DPYD: variants seen among roughly 807,000 people sequenced by gnomAD.
The protein encoded by DPYD is dihydropyrimidine dehydrogenase [NADP(+)].
Under a neutral mutation model 116.2 loss-of-function variants are expected in DPYD, and 109 were observed. The observed-to-expected ratio is 0.94, with a 90% CI of 0.80 to 1.10. DPYD has a LOEUF of 1.10. Among genes scored for constraint, DPYD ranks in the 50% least tolerant of loss-of-function variants. The pLI is 0.00. For synonymous variants in DPYD, 440 were observed against 432.0 expected, an observed-to-expected ratio of 1.02 and a Z score of -0.23; for missense variants, 1,302 against 1,254.5, an observed-to-expected ratio of 1.04 and a Z score of -0.57.
chr1:97,094,677 G>T (rs1313377231), intron 21 of DPYD, among the ~76,000 whole-genome samples: 1 of 152,100 alleles, frequency 6.6e-6, no homozygotes, highest in Non-Finnish European at 1.5e-5. Context: ...GCAGGTGGAG[G>T]TGACCCCAAG....
At position 97,373,626 on chromosome 1, in the gene DPYD, G is replaced by A. The variant is rs1211171024; in HGVS notation, c.1993C>T (p.Leu665=). Residue 665 remains leucine, a synonymous_variant, in exon 16 of 23, where the codon CTG becomes TTG. Coordinates refer to ENST00000370192, the MANE Select transcript of DPYD (RefSeq NM_000110.4). ...KKSEDSGADA[L]ELNLSCPHGM... ...TGTGGACATGATAAATTTAACTCCA[G>A]GGCATCTGCTCCAGAATCCTTTAAA... 6.2e-7 allele frequency: 1 copy of A among 1,613,776 alleles called. No homozygotes were observed.
At chr1:97,264,247 C>G (rs1455130606) in intron 18 of DPYD, among the ~76,000 whole-genome samples, 1 of 130,994 alleles carries the variant, frequency 7.6e-6, no homozygotes, top group African/African-American at 2.8e-5. Context: ...ATTGCAGCCT[C>G]AAATTCTTGG....
In DPYD at chr1:97,646,306, G is replaced by GT. The variant is rs1658254655; in HGVS notation, c.850+32788dup. 2.0e-5 allele frequency among the ~76,000 whole-genome samples: 3 copies of GT among 151,146 alleles called. No homozygotes were observed. The South Asian group carries it at 6.3e-4, about 31-fold the overall frequency. On this transcript the variant is annotated intron_variant, in intron 8 of 22. Coordinates refer to ENST00000370192, the MANE Select transcript of DPYD (RefSeq NM_000110.4). ...CTCTCCCTATTCTTTACTTTTATCT[G>GT]TATCTTCTTTTTATTTTTTTTTTCA...
intron 8 of DPYD, among the ~76,000 whole-genome samples, chr1:97,650,153 T>A (rs1393470054): frequency 6.6e-6 from 1 of 152,024 alleles, no homozygotes; most frequent in Non-Finnish European, 1.5e-5. Flanking sequence ...GCCCCTTACA[T>A]TTCTGCTTTT....
intron 12 of DPYD, among the ~76,000 whole-genome samples, chr1:97,523,879 T>G (rs1165923706): frequency 6.6e-6 from 1 of 152,106 alleles, no homozygotes; most frequent in Non-Finnish European, 1.5e-5. Context: ...GTGTTTTAGT[T>G]TTGCAAGGTA....
chr1:97,173,972 C>T (rs1657074200), intron 20 of DPYD, among the ~76,000 whole-genome samples: 2 of 151,322 alleles, frequency 1.3e-5, no homozygotes, highest in Non-Finnish European at 2.9e-5. Flanking sequence ...AATGGAAATT[C>T]AACCTCAAGT....
chr1:97,515,647 A>C, intron 13 of DPYD, 79 bp downstream of exon 13: 1 of 1,307,882 alleles, frequency 7.6e-7, no homozygotes, highest in Non-Finnish European at 1.1e-6. Context: ...TCTTAGTAAA[A>C]AAAATCCATT....
At chr1:97,548,284 G>A (rs1454762222) in intron 12 of DPYD, among the ~76,000 whole-genome samples, 3 of 152,120 alleles carry the variant, frequency 2.0e-5, no homozygotes, top group African/African-American at 7.2e-5. Context: ...AGAACAAAAA[G>A]AAAACAAAGC....
chr1:97,182,247 C>G (rs940184904), intron 20 of DPYD, among the ~76,000 whole-genome samples: 1 of 152,088 alleles, frequency 6.6e-6, no homozygotes, highest in African/African-American at 2.4e-5. Context: ...AGGTGTCTGT[C>G]TTATTTTTAC....
At chr1:97,535,134 C>G (rs966845513) in intron 12 of DPYD, among the ~76,000 whole-genome samples, 1 of 152,078 alleles carries the variant, frequency 6.6e-6, no homozygotes, top group Non-Finnish European at 1.5e-5. Context: ...TGAACCCAGA[C>G]TGCTTGACTT....
intron 16 of DPYD, among the ~76,000 whole-genome samples, chr1:97,342,995 G>T (rs1450827311): frequency 6.7e-6 from 1 of 148,386 alleles, no homozygotes; most frequent in South Asian, 2.1e-4. Flanking sequence ...TTCAGGAGAG[G>T]AAAAAAAAAC....
intron 3 of DPYD, among the ~76,000 whole-genome samples, chr1:97,786,887 A>G (rs542672640): frequency 2.0e-5 from 3 of 152,332 alleles, no homozygotes; most frequent in Admixed American, 1.3e-4. Flanking sequence ...TAATTATTAC[A>G]TAACTAGTGA....
intron 10 of DPYD, among the ~76,000 whole-genome samples, chr1:97,590,142 C>T (rs1228999316): frequency 1.3e-5 from 2 of 152,086 alleles, no homozygotes; most frequent in African/African-American, 4.8e-5. Context: ...CAAGCAATGG[C>T]CATAAAGGAT....
chr1:97,516,638 A>G (rs1648255116), intron 12 of DPYD, among the ~76,000 whole-genome samples: 1 of 152,088 alleles, frequency 6.6e-6, no homozygotes, highest in Non-Finnish European at 1.5e-5. Flanking sequence ...CCTTTGTTAA[A>G]TGATCATGGT....
intron 3 of DPYD, among the ~76,000 whole-genome samples, chr1:97,808,381 A>G (rs1169640284): frequency 1.3e-5 from 2 of 152,094 alleles, no homozygotes; most frequent in African/African-American, 4.8e-5. Context: ...TTTAAATGAT[A>G]TTATCTTTTA....
At chr1:97,493,330 T>C (rs1430414341) in intron 13 of DPYD, among the ~76,000 whole-genome samples, 1 of 152,160 alleles carries the variant, frequency 6.6e-6, no homozygotes, top group African/African-American at 2.4e-5. Context: ...CATACCACTG[T>C]ACTAAAACAC....
chr1:97,776,795 C>T (rs1170087048), intron 3 of DPYD, among the ~76,000 whole-genome samples: 1 of 152,124 alleles, frequency 6.6e-6, no homozygotes, highest in African/African-American at 2.4e-5. Flanking sequence ...ATTTGGAGCA[C>T]AACAAAAATA....
At chr1:97,107,445 G>C (rs1459579671) in intron 20 of DPYD, among the ~76,000 whole-genome samples, 1 of 152,058 alleles carries the variant, frequency 6.6e-6, no homozygotes, top group Non-Finnish European at 1.5e-5. Flanking sequence ...TGATGAGGTA[G>C]GGGAGGTGAC....
chr1:97,643,870 G>A (rs937333084), intron 8 of DPYD, among the ~76,000 whole-genome samples: 5 of 152,070 alleles, frequency 3.3e-5, no homozygotes, highest in Admixed American at 2.0e-4. Flanking sequence ...ACTCATAAGT[G>A]GGAGTTGAAC....
Sources: gnomAD v4.1 joint callset for allele counts (sites outside exome capture counted in the v4.1 genomes callset) on GRCh38, gnomAD v4.1.1 for gene constraint, MANE v1.5 for transcripts, NCBI Gene and HGNC (gene_info 2026-07-23, HGNC 2026-07-21) for gene names.